Variants in GABRB1 observed in about 807,000 individuals in gnomAD.
GABRB1 encodes gamma-aminobutyric acid type A receptor subunit beta1.
In GABRB1, 17 loss-of-function variants were observed where a neutral mutation model predicts 51.6. The ratio of observed to expected loss-of-function variants is 0.33; its 90% CI spans 0.23 to 0.49. The LOEUF (loss-of-function observed/expected upper bound fraction) is 0.49, where lower values mean the gene tolerates loss of function less well. Among genes scored for constraint, GABRB1 ranks in the 20% least tolerant of loss-of-function variants. The probability of loss-of-function intolerance (pLI) is 0.99; values close to 1 mark genes in which losing one functional copy is unlikely to be tolerated. For missense variants in GABRB1, 410 were observed against 600.6 expected, an observed-to-expected ratio of 0.68 and a Z score of 3.32; for synonymous variants, 247 against 218.9, an observed-to-expected ratio of 1.13 and a Z score of -1.14.
intron 3 of GABRB1, among the ~76,000 whole-genome samples, chr4:47,101,471 C>A (rs545312479): frequency 6.6e-6 from 1 of 152,006 alleles, no homozygotes; most frequent in African/African-American, 2.4e-5. Flanking sequence ...TGTACAACAT[C>A]CAATTTATTT....
chr4:47,294,301 G>A (rs1361848915), intron 4 of GABRB1, among the ~76,000 whole-genome samples: 2 of 152,208 alleles, frequency 1.3e-5, no homozygotes, highest in African/African-American at 2.4e-5. Context: ...AGCAGGGCGA[G>A]GCATTGCCTC....
At chr4:47,084,294 A>G (rs1263933565) in intron 3 of GABRB1, among the ~76,000 whole-genome samples, 1 of 152,190 alleles carries the variant, frequency 6.6e-6, no homozygotes, top group Non-Finnish European at 1.5e-5. Flanking sequence ...AGGCTAAGCC[A>G]TTTATTGTCT....
At chr4:47,062,118 G>A (rs1726867987) in intron 3 of GABRB1, among the ~76,000 whole-genome samples, 1 of 152,084 alleles carries the variant, frequency 6.6e-6, no homozygotes, top group Non-Finnish European at 1.5e-5. Context: ...AATCTGATGT[G>A]ACACAGCTGA....
At chr4:47,023,683 A>C (rs1725001983) in intron 1 of GABRB1, among the ~76,000 whole-genome samples, 1 of 152,024 alleles carries the variant, frequency 6.6e-6, no homozygotes, top group African/African-American at 2.4e-5. Context: ...GTCATTTCAT[A>C]TAATTATAAA....
chr4:47,414,154 CAA>C (rs1223345037), intron 8 of GABRB1, among the ~76,000 whole-genome samples: 1 of 152,112 alleles, frequency 6.6e-6, no homozygotes, highest in African/African-American at 2.4e-5. Context: ...AGGAATCTGC[CAA>C]AGATTCATTC....
intron 4 of GABRB1, among the ~76,000 whole-genome samples, chr4:47,178,542 T>C (rs1175255627): frequency 6.6e-6 from 1 of 152,130 alleles, no homozygotes; most frequent in Non-Finnish European, 1.5e-5. Flanking sequence ...TGGAGGAAAC[T>C]GTTATTGCTC....
At chr4:47,186,163 A>G (rs1719170050) in intron 4 of GABRB1, among the ~76,000 whole-genome samples, 2 of 149,252 alleles carry the variant, frequency 1.3e-5, no homozygotes, top group Non-Finnish European at 3.0e-5. Flanking sequence ...TAGAATTTCG[A>G]TGAACATTTC....
At chr4:47,274,561 C>T (rs1456150748) in intron 4 of GABRB1, among the ~76,000 whole-genome samples, 1 of 151,664 alleles carries the variant, frequency 6.6e-6, no homozygotes, top group African/African-American at 2.4e-5. Context: ...ATAGGGGTCT[C>T]TTCTCTCCCC....
At chr4:47,055,069 GGTAA>G (rs1458467716) in intron 3 of GABRB1, among the ~76,000 whole-genome samples, 1 of 152,024 alleles carries the variant, frequency 6.6e-6, no homozygotes, top group Admixed American at 6.6e-5. Flanking sequence ...TTGGAGGTAG[GGTAA>G]GTAAGATGAT....
Position 47,403,686 on chromosome 4 carries a change from T to C in GABRB1, c.810T>C (p.Asp270=), listed in dbSNP as rs188599287. The part of the protein sequence containing the change: ...LSWVSFWINY[D]ASAARVALGI... ...GGGTGTCTTTTTGGATCAACTATGA[T>C]GCATCTGCAGCCAGAGTCGCACTAG... Residue 270 remains aspartate (D), a synonymous_variant, in exon 7 of 9, where the codon GAT becomes GAC. Coordinates refer to ENST00000295454, the MANE Select transcript of GABRB1 (RefSeq NM_000812.4). The C allele has an allele frequency of 6.2e-7, 1 of 1,613,398 alleles. No individual in the cohort carries two copies. Among genetic ancestry groups the C allele is most frequent in the Admixed American group, 1.7e-5 (1 of 60,026 alleles).
intron 3 of GABRB1, among the ~76,000 whole-genome samples, chr4:47,054,971 C>T (rs1213922706): frequency 4.6e-5 from 7 of 152,198 alleles, no homozygotes; most frequent in Non-Finnish European, 1.0e-4. Flanking sequence ...ATTTTTAAAA[C>T]TCCTAACCAC....
At chr4:47,270,894 C>A (rs1302568059) in intron 4 of GABRB1, among the ~76,000 whole-genome samples, 3 of 152,148 alleles carry the variant, frequency 2.0e-5, no homozygotes, top group Non-Finnish European at 2.9e-5. Flanking sequence ...ATAACCAGCC[C>A]AGGTTAAACT....
At chr4:47,313,591 C>G (rs921144696) in intron 4 of GABRB1, among the ~76,000 whole-genome samples, 6 of 152,102 alleles carry the variant, frequency 3.9e-5, no homozygotes, top group Non-Finnish European at 7.4e-5. Flanking sequence ...AGGGACATCT[C>G]TCTTTTTGTT....
At chr4:47,105,887 C>T (rs577137420) in intron 3 of GABRB1, among the ~76,000 whole-genome samples, 60 of 152,182 alleles carry the variant, frequency 3.9e-4, no homozygotes, top group African/African-American at 1.4e-3. Flanking sequence ...CACACTCAGC[C>T]TTCAGCAGTT....
intron 5 of GABRB1, among the ~76,000 whole-genome samples, chr4:47,348,233 A>G (rs1726177214): frequency 1.3e-5 from 2 of 152,174 alleles, no homozygotes; most frequent in Admixed American, 6.5e-5. Flanking sequence ...CCCTGAACAC[A>G]TTATTTTTAA....
At chr4:47,021,081 C>A (rs2109452362) in intron 1 of GABRB1, among the ~76,000 whole-genome samples, 1 of 152,264 alleles carries the variant, frequency 6.6e-6, no homozygotes, top group South Asian at 2.1e-4. Context: ...CTTCCTTAAC[C>A]ACTCTTTCTA....
intron 4 of GABRB1, among the ~76,000 whole-genome samples, chr4:47,238,552 T>C (rs886224010): frequency 3.9e-5 from 6 of 152,160 alleles, no homozygotes; most frequent in Non-Finnish European, 5.9e-5. Context: ...CTACAAGTAA[T>C]TGGCATTCAA....
chr4:47,169,628 A>T (rs1444774743), intron 4 of GABRB1, among the ~76,000 whole-genome samples: 1 of 151,942 alleles, frequency 6.6e-6, no homozygotes, highest in Admixed American at 6.6e-5. Flanking sequence ...CAGCCTCCCG[A>T]GTAGCTGGGA....
chr4:47,032,610 C>G, intron 3 of GABRB1, 126 bp downstream of exon 3: 1 of 828,538 alleles, frequency 1.2e-6, no homozygotes, highest in Non-Finnish European at 2.1e-6. Context: ...ACTCCGCACC[C>G]GCTCCCCGCT....
Sources: allele counts gnomAD v4.1 joint callset (sites outside exome capture counted in the v4.1 genomes callset), GRCh38; gene constraint gnomAD v4.1.1; transcripts MANE v1.5; gene names NCBI Gene and HGNC (gene_info 2026-07-23, HGNC 2026-07-21).